Variants in WDR72 observed in about 807,000 individuals in gnomAD.
WDR72 encodes WD repeat domain 72.
In WDR72, 120 loss-of-function variants were observed where a neutral mutation model predicts 124.2. The observed-to-expected ratio is 0.97, with a 90% CI of 0.83 to 1.12. The LOEUF (loss-of-function observed/expected upper bound fraction) is 1.12. Ranked by LOEUF, WDR72 falls within the 50% of genes most tolerant of loss-of-function variation. The pLI is 0.00. For missense variants in WDR72, 1,387 were observed against 1,278.8 expected, an observed-to-expected ratio of 1.08 and a Z score of -1.29; for synonymous variants, 452 against 441.7, an observed-to-expected ratio of 1.02 and a Z score of -0.29.
intron 13 of WDR72, among the ~76,000 whole-genome samples, chr15:53,678,785 C>G (rs1215536008): frequency 6.6e-6 from 1 of 152,196 alleles, no homozygotes; most frequent in East Asian, 1.9e-4. Flanking sequence ...TGGTCTAAAG[C>G]ATCTGTGTTG....
At chr15:53,744,060 T>C (rs2018581239) in intron 1 of WDR72, among the ~76,000 whole-genome samples, 1 of 152,174 alleles carries the variant, frequency 6.6e-6, no homozygotes, top group Non-Finnish European at 1.5e-5. Context: ...GTAACGTTTC[T>C]GTTTTCATTC....
rs547487831 is a variant in WDR72, at chr15:53,713,234, A to G, written c.592-343T>C. Among the ~76,000 whole-genome samples, 537 of 150,306 alleles carry G rather than the reference A, an allele frequency of 3.6e-3. 1 individual carries two copies. Among genetic ancestry groups the G allele is most frequent in the Non-Finnish European group, 4.9e-3 (333 of 67,704 alleles). On this transcript the variant is annotated intron_variant, in intron 6 of 19. Coordinates refer to ENST00000360509, the MANE Select transcript of WDR72 (RefSeq NM_182758.4). The stretch of plus-strand genomic sequence containing the variant: ...GTGATCAGGAAATCCACTTAGATTC[A>G]AGGGCTCATTACATGCAACCATTCA...
At chr15:53,613,319 T>C (rs1186172002) in intron 16 of WDR72, among the ~76,000 whole-genome samples, 1 of 152,114 alleles carries the variant, frequency 6.6e-6, no homozygotes, top group Non-Finnish European at 1.5e-5. Context: ...GTATTTCCTT[T>C]GCTGAAAAGT....
chr15:53,662,361 T>C (rs982521370), intron 14 of WDR72, among the ~76,000 whole-genome samples: 1 of 152,152 alleles, frequency 6.6e-6, no homozygotes, highest in African/African-American at 2.4e-5. Flanking sequence ...CTTGCAAACT[T>C]TTCCCCAGAT....
intron 18 of WDR72, among the ~76,000 whole-genome samples, chr15:53,553,137 A>G (rs1174145428): frequency 2.6e-5 from 4 of 152,162 alleles, no homozygotes; most frequent in Admixed American, 6.5e-5. Context: ...GAAAATCATA[A>G]TGCCCGGTAG....
intron 11 of WDR72, 68 bp downstream of exon 11, chr15:53,704,920 T>C (rs2017303058): frequency 6.4e-7 from 1 of 1,574,750 alleles, no homozygotes; most frequent in Non-Finnish European, 8.6e-7. Context: ...AAATCTTGTT[T>C]AGTGCAGTCT....
intron 13 of WDR72, among the ~76,000 whole-genome samples, chr15:53,692,555 G>C (rs2016877352): frequency 6.6e-6 from 1 of 152,140 alleles, no homozygotes; most frequent in African/African-American, 2.4e-5. Context: ...TTCAAACCTA[G>C]GCAAGCTGAC....
chr15:53,685,924 G>T (rs1363559256), intron 13 of WDR72, among the ~76,000 whole-genome samples: 1 of 135,992 alleles, frequency 7.4e-6, no homozygotes, highest in African/African-American at 2.9e-5. Flanking sequence ...TTAAAGAAAA[G>T]AATTTTCAAC....
At chr15:53,743,906 C>T (rs1212779107) in intron 1 of WDR72, among the ~76,000 whole-genome samples, 2 of 149,878 alleles carry the variant, frequency 1.3e-5, no homozygotes, top group East Asian at 3.9e-4. Context: ...ACCCGGGAGG[C>T]GGAGCTTGCA....
intron 18 of WDR72, among the ~76,000 whole-genome samples, chr15:53,561,993 A>G (rs1894140057): frequency 6.6e-6 from 1 of 151,806 alleles, no homozygotes; most frequent in Admixed American, 6.6e-5. Context: ...TTGTTAATTG[A>G]GTTATATTAA....
At chr15:53,754,746 C>G (rs1211008851) in intron 1 of WDR72, among the ~76,000 whole-genome samples, 1 of 152,104 alleles carries the variant, frequency 6.6e-6, no homozygotes, top group Non-Finnish European at 1.5e-5. Flanking sequence ...TCACCACAAT[C>G]AGAGAGAGCA....
intron 13 of WDR72, among the ~76,000 whole-genome samples, chr15:53,688,803 G>A (rs368221762): frequency 0.027 from 4,078 of 151,926 alleles, 97 homozygotes; most frequent in East Asian, 0.069. Context: ...CACACTACCT[G>A]ACTTCAAACT....
chr15:53,519,088 A>G (rs886932529), intron 19 of WDR72, among the ~76,000 whole-genome samples: 5 of 152,094 alleles, frequency 3.3e-5, no homozygotes, highest in African/African-American at 1.2e-4. Context: ...CTAAAAAGAA[A>G]AATTATTAAT....
intron 13 of WDR72, among the ~76,000 whole-genome samples, chr15:53,693,101 C>A (rs764452843): frequency 3.9e-5 from 6 of 152,166 alleles, no homozygotes; most frequent in Non-Finnish European, 7.4e-5. Flanking sequence ...ACTGTCAACA[C>A]AACATAACTT....
chr15:53,705,055 T>C lies in WDR72; in HGVS notation c.1281A>G (p.Thr427=), dbSNP rs2017308864. Residue 427 remains threonine (T), a synonymous_variant, in exon 11 of 20, where the codon ACA becomes ACG. Transcript: ENST00000360509. ...DKLICGCEDG[T]IIITQALNAA... Reference sequence around the variant, plus strand: ...CATTCAAAGCCTGGGTAATGATAATTGTCCCATCTTCACAGCCACATATTA... The same window carrying C: ...CATTCAAAGCCTGGGTAATGATAATCGTCCCATCTTCACAGCCACATATTA... 1 of 1,614,116 alleles carries C rather than the reference T, an allele frequency of 6.2e-7. No individual in the cohort carries two copies. Among genetic ancestry groups the C allele is most frequent in the Non-Finnish European group, 8.5e-7 (1 of 1,180,010 alleles).
intron 1 of WDR72, among the ~76,000 whole-genome samples, chr15:53,756,049 T>C (rs946653655): frequency 1.3e-5 from 2 of 152,194 alleles, no homozygotes; most frequent in Non-Finnish European, 2.9e-5. Flanking sequence ...TAATCTATAC[T>C]AAAGCAATCT....
chr15:53,643,665 A>G (rs2014936048), intron 14 of WDR72, among the ~76,000 whole-genome samples: 1 of 152,058 alleles, frequency 6.6e-6, no homozygotes, highest in South Asian at 2.1e-4. Flanking sequence ...TCACACACCT[A>G]GGGCTAGTCT....
intron 11 of WDR72, among the ~76,000 whole-genome samples, chr15:53,703,041 G>A (rs1191325553): frequency 6.6e-6 from 1 of 151,756 alleles, no homozygotes; most frequent in Non-Finnish European, 1.5e-5. Context: ...AGCCTCCCTA[G>A]TAGCTGGGTC....
At chr15:53,612,757 G>A (rs1323621031) in intron 16 of WDR72, among the ~76,000 whole-genome samples, 1 of 152,072 alleles carries the variant, frequency 6.6e-6, no homozygotes, top group Non-Finnish European at 1.5e-5. Context: ...ACATAGACGA[G>A]TGAGGTTCTG....
Sources: gnomAD v4.1 joint callset for allele counts (sites outside exome capture counted in the v4.1 genomes callset) on GRCh38, gnomAD v4.1.1 for gene constraint, MANE v1.5 for transcripts, NCBI Gene and HGNC (gene_info 2026-07-23, HGNC 2026-07-21) for gene names.